RELN: variants seen among roughly 807,000 people sequenced by gnomAD.
RELN encodes the protein reelin.
In RELN, 108 loss-of-function variants were observed where a neutral mutation model predicts 427.6. The observed-to-expected ratio is 0.25, with a 90% confidence interval of 0.22 to 0.30. The LOEUF (loss-of-function observed/expected upper bound fraction) is 0.30, where lower values mean the gene tolerates loss of function less well. Among genes scored for constraint, RELN ranks in the 10% least tolerant of loss-of-function variants. The pLI is 1.00. For missense variants in RELN, 3,715 were observed against 4,302.8 expected (o/e 0.86, Z 3.82); for synonymous variants, 1,524 against 1,513.4 (o/e 1.01, Z -0.16).
At chr7:103,801,578 TGTG>T (rs1792467520) in intron 3 of RELN, among the ~76,000 whole-genome samples, 1 of 131,396 alleles carries the variant, frequency 7.6e-6, no homozygotes, top group African/African-American at 3.0e-5. Context: ...TGGGGCCTGT[TGTG>T]GGGTGGGGGG....
At chr7:103,511,144 A>G (rs2117062798) in intron 50 of RELN, 139 bp from the exon 51 acceptor site, 1 of 683,654 alleles carries the variant, frequency 1.5e-6, no homozygotes, top group East Asian at 2.7e-5. Flanking sequence ...AAACACTAAT[A>G]TAAATACATT....
At chr7:103,868,544 A>G (rs1794253908) in intron 2 of RELN, among the ~76,000 whole-genome samples, 1 of 152,100 alleles carries the variant, frequency 6.6e-6, no homozygotes, top group Non-Finnish European at 1.5e-5. Flanking sequence ...CCCAGAATTT[A>G]GTGCTAGGGA....
rs3915121 is a variant in RELN at position 103,901,661 on chromosome 7, G to A, written c.337+15414C>T. Among the ~76,000 whole-genome samples the A allele has an allele frequency of 8.2e-3, 1,241 of 152,124 alleles. 9 individuals are homozygous for A. Among genetic ancestry groups the A allele is most frequent in the Middle Eastern group, 0.027 (8 of 294 alleles). On this transcript the variant is annotated intron_variant, in intron 2 of 64. Transcript: ENST00000428762. ...AGCTAGTCACAAAAGGTCACATGTT[G>A]TATGTTTCCATTTATAGGAAATGTC...
chr7:103,548,911 C>T (rs1214069726), intron 41 of RELN, among the ~76,000 whole-genome samples: 12 of 152,152 alleles, frequency 7.9e-5, no homozygotes, highest in Admixed American at 2.0e-4. Context: ...TTGTTTCATA[C>T]GCCTTTAGAT....
chr7:103,719,059 A>C (rs1334408598), intron 8 of RELN, among the ~76,000 whole-genome samples: 1 of 152,190 alleles, frequency 6.6e-6, no homozygotes, highest in East Asian at 1.9e-4. Context: ...GACCTCTATT[A>C]AATAACTAAA....
chr7:103,754,406 A>G (rs946461097), intron 4 of RELN, among the ~76,000 whole-genome samples: 6 of 151,838 alleles, frequency 4.0e-5, no homozygotes, highest in Admixed American at 6.6e-5. Context: ...CTGTATATCA[A>G]TTAGGAAATC....
intron 2 of RELN, among the ~76,000 whole-genome samples, chr7:103,865,586 T>G (rs185127900): frequency 6.6e-6 from 1 of 152,252 alleles, no homozygotes; most frequent in East Asian, 1.9e-4. Flanking sequence ...GTGGCAAGGA[T>G]AGTTCCAACA....
intron 4 of RELN, among the ~76,000 whole-genome samples, chr7:103,758,586 G>T (rs1037493302): frequency 6.6e-6 from 1 of 151,580 alleles, no homozygotes; most frequent in Non-Finnish European, 1.5e-5. Flanking sequence ...TACTAGGAAA[G>T]TATTGATAAA....
At position 103,727,433 on chromosome 7, in the gene RELN, G is replaced by A. The variant is rs140208604; in HGVS notation, c.753+678C>T. Among the ~76,000 whole-genome samples, 339 of 152,184 alleles carry A rather than the reference G, an allele frequency of 2.2e-3. 2 individuals carry two copies. The highest frequency in any genetic ancestry group is 7.8e-3 in the African/African-American group (325 of 41,546). ...TAAAATGAAAGTAGTCTTCATGCCAGAAATAGTTACCAAATTAACAACAAC... is the reference window on the plus strand; with the variant it reads ...TAAAATGAAAGTAGTCTTCATGCCAAAAATAGTTACCAAATTAACAACAAC... On this transcript the variant is annotated intron_variant, in intron 7 of 64. Coordinates refer to ENST00000428762, the MANE Select transcript of RELN (RefSeq NM_005045.4).
chr7:103,588,090 T>C (rs534469056), intron 28 of RELN, among the ~76,000 whole-genome samples: 27 of 152,332 alleles, frequency 1.8e-4, no homozygotes, highest in African/African-American at 6.0e-4. Flanking sequence ...TGCACTTTCG[T>C]GTTTATTGCA....
At chr7:103,925,150 T>C (rs1233111264) in intron 1 of RELN, among the ~76,000 whole-genome samples, 1 of 152,114 alleles carries the variant, frequency 6.6e-6, no homozygotes, top group African/African-American at 2.4e-5. Flanking sequence ...CTACCTGGAA[T>C]GAGGTCCTGA....
At chr7:103,561,384 G>GA (rs1830637744) in intron 36 of RELN, 148 bp downstream of exon 36, 2 of 743,846 alleles carry the variant, frequency 2.7e-6, no homozygotes, top group Admixed American at 4.2e-5. Flanking sequence ...ACTCAGAAGA[G>GA]GAAACATGGT....
chr7:103,575,890 T>C (rs1830989328), intron 28 of RELN, among the ~76,000 whole-genome samples, 185 bp from the exon 29 acceptor site: 2 of 152,140 alleles, frequency 1.3e-5, no homozygotes, highest in African/African-American at 2.4e-5. Context: ...TTTTTTTTCT[T>C]TTTTTGAGAC....
intron 49 of RELN, among the ~76,000 whole-genome samples, chr7:103,518,025 G>A (rs77409796): frequency 0.013 from 2,009 of 152,232 alleles, 40 homozygotes; most frequent in African/African-American, 0.046. Flanking sequence ...GGGAGCTAGT[G>A]GCCCTTTTGG....
At chr7:103,733,604 G>A (rs973415544) in intron 6 of RELN, among the ~76,000 whole-genome samples, 15 of 144,362 alleles carry the variant, frequency 1.0e-4, no homozygotes, top group Non-Finnish European at 2.1e-4. Flanking sequence ...GGAATACTAT[G>A]CAGCCATAAA....
chr7:103,876,658 G>A (rs372114704), intron 2 of RELN, among the ~76,000 whole-genome samples: 152 of 152,092 alleles, frequency 1.0e-3, no homozygotes, highest in African/African-American at 3.1e-3. Context: ...ACTAATCTCC[G>A]TCTAAAAAGT....
At chr7:103,528,483 G>GTT (rs1829870718) in intron 46 of RELN, among the ~76,000 whole-genome samples, 3 of 93,152 alleles carry the variant, frequency 3.2e-5, no homozygotes, top group Non-Finnish European at 8.7e-5. Flanking sequence ...CAACCCTGTG[G>GTT]GTTTTTTTTT....
At chr7:103,913,174 C>T (rs1795407199) in intron 2 of RELN, among the ~76,000 whole-genome samples, 1 of 152,120 alleles carries the variant, frequency 6.6e-6, no homozygotes, top group Non-Finnish European at 1.5e-5. Context: ...AGTGGAACTA[C>T]ATTTCTACAG....
rs2711856 is a variant in RELN, at chr7:103,629,282, G to T, written c.2702+658C>A. ...AAGTACTAATCACCTTTAAATTATT[G>T]ACTGTTTGTTGTATAATTAAATTCG... On this transcript the variant is annotated intron_variant, in intron 20 of 64. Transcript: ENST00000428762. Among the ~76,000 whole-genome samples the T allele has an allele frequency of 5.7e-3, 860 of 152,180 alleles. 4 individuals are homozygous for T. Among genetic ancestry groups the T allele is most frequent in the African/African-American group, 0.019 (782 of 41,504 alleles).
Sources: allele counts gnomAD v4.1 joint callset (sites outside exome capture counted in the v4.1 genomes callset), GRCh38; gene constraint gnomAD v4.1.1; transcripts MANE v1.5; gene names NCBI Gene and HGNC (gene_info 2026-07-23, HGNC 2026-07-21).